The following NT5DC4 variants were observed in gnomAD, a reference collection of about 807,000 sequenced individuals.
NT5DC4 encodes the protein 5'-nucleotidase domain-containing protein 4.
Under a neutral mutation model 26.6 loss-of-function variants are expected in NT5DC4, and 44 were observed. That is an observed-to-expected ratio of 1.65 (90% CI 1.30 to 2.13). The LOEUF is 2.13. Among genes scored for constraint, NT5DC4 ranks in the 30% most tolerant of loss-of-function variants. The pLI is 0.00. For synonymous variants in NT5DC4, 157 were observed against 86.7 expected, an observed-to-expected ratio of 1.81 and a Z score of -4.51; for missense variants, 399 against 228.1, an observed-to-expected ratio of 1.75 and a Z score of -4.83.
intron 13 of NT5DC4, among the ~76,000 whole-genome samples, chr2:112,725,833 TG>T (rs1437517296): frequency 1.3e-5 from 2 of 152,006 alleles, no homozygotes; most frequent in Non-Finnish European, 2.9e-5. Context: ...GCCTTCCTCC[TG>T]CACCTGACCC....
chr2:112,734,942 G>A (rs536093870), intron 16 of NT5DC4, among the ~76,000 whole-genome samples: 1 of 151,838 alleles, frequency 6.6e-6, no homozygotes, highest in Non-Finnish European at 1.5e-5. Context: ...TGCTCACCTC[G>A]GCCTCCCAAA....
intron 16 of NT5DC4, among the ~76,000 whole-genome samples, chr2:112,735,825 C>T (rs931432737): frequency 1.3e-5 from 2 of 152,126 alleles, no homozygotes; most frequent in Non-Finnish European, 2.9e-5. Flanking sequence ...CGAGGCTGAT[C>T]GAAACCTCCA....
At chr2:112,720,904 C>G (rs544067879), upstream of NT5DC4, among the ~76,000 whole-genome samples, 1 of 152,212 alleles carries the variant, frequency 6.6e-6, no homozygotes, top group Non-Finnish European at 1.5e-5. Context: ...GATACCAGAG[C>G]CTGTCCTGGC....
chr2:112,742,296 T>C (rs1680029810), downstream of NT5DC4: 6 of 694,792 alleles, frequency 8.6e-6, no homozygotes, highest in South Asian at 3.2e-5. Context: ...GGTCATCCAA[T>C]TGAAGAGATT....
upstream of NT5DC4, among the ~76,000 whole-genome samples, chr2:112,720,745 A>G (rs1040658094): frequency 2.0e-4 from 30 of 152,244 alleles, 1 homozygote; most frequent in Admixed American, 6.5e-4. Context: ...CTGACTTTGT[A>G]TCCCGTCATT....
chr2:112,736,168 T>G (rs1409810338), intron 16 of NT5DC4, among the ~76,000 whole-genome samples: 1 of 152,118 alleles, frequency 6.6e-6, no homozygotes, highest in Non-Finnish European at 1.5e-5. Context: ...TCGACGGGCT[T>G]AGGACAGTGT....
chr2:112,739,098 A>C, downstream of NT5DC4: 1 of 1,373,522 alleles, frequency 7.3e-7, no homozygotes, highest in Middle Eastern at 1.8e-4. Context: ...TAAAAAAATT[A>C]TCTTTATTAT....
At chr2:112,740,810 T>C, downstream of NT5DC4, 2 of 1,597,942 alleles carry the variant, frequency 1.3e-6, no homozygotes, top group Non-Finnish European at 1.7e-6. Flanking sequence ...GCTTTAGAGT[T>C]TGCTTACCTA....
Position 112,725,536 on chromosome 2 carries a change from C to T in NT5DC4, c.1137C>T (p.Ile379=), listed in dbSNP as rs765506781. The change falls in exon 13 of 17, where the codon ATC becomes ATT. Residue 379 remains isoleucine, a synonymous_variant. Transcript: ENST00000688554. The part of the protein sequence containing the change: ...VVPELSWELD[I]WAQEKERLEE... ...CTGAGCTGTCCTGGGAGCTGGACAT[C>T]TGGGCCCAGGAGAAGGGTGAGCTGT... 37 of 710,080 alleles carry T rather than the reference C, an allele frequency of 5.2e-5. No individual in the cohort carries two copies. Among genetic ancestry groups the T allele is most frequent in the Non-Finnish European group, 8.4e-5 (32 of 379,854 alleles). The allele number at this position is 710,080 out of a possible 1,614,324, so 44.0% of individuals were successfully genotyped here.
upstream of NT5DC4, among the ~76,000 whole-genome samples, chr2:112,719,920 CTT>C (rs1558714613): frequency 1.1e-5 from 1 of 87,922 alleles, no homozygotes; most frequent in Non-Finnish European, 2.0e-5. Context: ...TTCTTTCTTT[CTT>C]TCTCTTTCTT....
At chr2:112,727,024 G>C (rs2104755698) in intron 15 of NT5DC4, 1 of 500,964 alleles carries the variant, frequency 2.0e-6, no homozygotes, top group African/African-American at 1.9e-5. Context: ...GTGCCTGCGT[G>C]CTAGCTGGGC....
downstream of NT5DC4, among the ~76,000 whole-genome samples, chr2:112,739,681 G>T (rs1472318371): frequency 1.3e-5 from 2 of 152,160 alleles, no homozygotes; most frequent in Non-Finnish European, 2.9e-5. Flanking sequence ...TAAAGACAGG[G>T]TCTCACTCTG....
chr2:112,733,363 C>T (rs1678705131), intron 16 of NT5DC4, among the ~76,000 whole-genome samples: 1 of 150,734 alleles, frequency 6.6e-6, no homozygotes, highest in Non-Finnish European at 1.5e-5. Context: ...TGACATTCAT[C>T]TCCCATTTCT....
intron 13 of NT5DC4, among the ~76,000 whole-genome samples, chr2:112,726,002 C>T (rs537717941): frequency 8.5e-5 from 13 of 152,258 alleles, no homozygotes; most frequent in South Asian, 2.1e-4. Context: ...GAGTCATTGC[C>T]GTGTGACCTC....
intron 16 of NT5DC4, among the ~76,000 whole-genome samples, chr2:112,732,145 A>C (rs902065771): frequency 4.6e-5 from 7 of 152,044 alleles, no homozygotes; most frequent in Non-Finnish European, 7.4e-5. Flanking sequence ...TCCTGACCTC[A>C]AGTGATCCGC....
chr2:112,723,829 C>T (rs1411990547), intron 9 of NT5DC4, 27 bp downstream of exon 9: 3 of 624,726 alleles, frequency 4.8e-6, no homozygotes, highest in South Asian at 1.5e-5. Flanking sequence ...AGGGGTGGAC[C>T]GTCGGCCTCC....
At chr2:112,740,768 G>T, downstream of NT5DC4, 1 of 1,445,642 alleles carries the variant, frequency 6.9e-7, no homozygotes, top group Non-Finnish European at 9.6e-7. Context: ...ATCGAGACTT[G>T]GACTAGAATT....
upstream of NT5DC4, among the ~76,000 whole-genome samples, chr2:112,720,780 C>T (rs1321352767): frequency 6.6e-6 from 1 of 152,228 alleles, no homozygotes; most frequent in Non-Finnish European, 1.5e-5. Flanking sequence ...TTCTCCGCTA[C>T]TCTCCAGGCC....
chr2:112,740,923 C>T (rs1209563356), downstream of NT5DC4: 1 of 1,613,876 alleles, frequency 6.2e-7, no homozygotes, highest in Non-Finnish European at 8.5e-7. Flanking sequence ...TGGAGAAAGA[C>T]AAGACTTCAC....
Sources: gnomAD v4.1 joint callset for allele counts (sites outside exome capture counted in the v4.1 genomes callset) on GRCh38, gnomAD v4.1.1 for gene constraint, MANE v1.5 for transcripts, NCBI Gene and HGNC (gene_info 2026-07-23, HGNC 2026-07-21) for gene names.